THSD7B: variants seen among roughly 807,000 people sequenced by gnomAD.
THSD7B encodes thrombospondin type 1 domain containing 7B.
In THSD7B, 138 loss-of-function variants were observed where a neutral mutation model predicts 213.6. The observed-to-expected ratio is 0.65, with a 90% CI of 0.56 to 0.74. The LOEUF is 0.74. Ranked by LOEUF, THSD7B falls within the 30% of genes least tolerant of loss-of-function variation. The probability of loss-of-function intolerance (pLI) is 0.00; values close to 1 mark genes in which losing one functional copy is unlikely to be tolerated. For missense variants in THSD7B, 1,931 were observed against 1,991.5 expected, an observed-to-expected ratio of 0.97 and a Z score of 0.58; for synonymous variants, 742 against 687.0, an observed-to-expected ratio of 1.08 and a Z score of -1.25.
chr2:137,666,140 A>G (rs530956334), intron 26 of THSD7B, among the ~76,000 whole-genome samples: 1 of 152,078 alleles, frequency 6.6e-6, no homozygotes. Flanking sequence ...TAATGCTTTT[A>G]TTAAGTAACA....
At chr2:137,233,804 A>T (rs1413924705) in intron 9 of THSD7B, among the ~76,000 whole-genome samples, 3 of 152,208 alleles carry the variant, frequency 2.0e-5, no homozygotes, top group African/African-American at 7.2e-5. Context: ...AAATGAGGAG[A>T]TGTATGTTTT....
intron 1 of THSD7B, among the ~76,000 whole-genome samples, chr2:136,827,360 A>G (rs1157347831): frequency 2.6e-5 from 4 of 152,216 alleles, no homozygotes; most frequent in African/African-American, 9.6e-5. Flanking sequence ...AGCTGTTAGG[A>G]TATACAGAAA....
In THSD7B at chr2:137,027,837, C is replaced by G. The variant is rs374363473; in HGVS notation, c.140-28583C>G. ...AAGGGAGACACTGGGATTTATAGCC[C>G]TGACTCTGGCACTCATTGGCCTTGT... On this transcript the variant is annotated intron_variant, in intron 2 of 27. Coordinates refer to ENST00000409968, the MANE Select transcript of THSD7B (RefSeq NM_001316349.2). Among the ~76,000 whole-genome samples, 8 of 152,242 alleles carry G rather than the reference C, an allele frequency of 5.3e-5. No homozygotes were observed. The East Asian group carries it at 1.5e-3, about 29-fold the overall frequency.
intron 2 of THSD7B, among the ~76,000 whole-genome samples, chr2:137,014,579 C>G (rs1270332090): frequency 6.6e-6 from 1 of 152,192 alleles, no homozygotes; most frequent in Non-Finnish European, 1.5e-5. Flanking sequence ...GGATTTCTTT[C>G]ATTTGGTCTA....
At chr2:137,381,878 T>A (rs1177053557) in intron 12 of THSD7B, among the ~76,000 whole-genome samples, 1 of 152,140 alleles carries the variant, frequency 6.6e-6, no homozygotes, top group South Asian at 2.1e-4. Context: ...GTAAAGCCTT[T>A]TCTGTTTGAT....
chr2:137,512,569 T>G (rs1679989301), intron 15 of THSD7B, among the ~76,000 whole-genome samples: 1 of 151,636 alleles, frequency 6.6e-6, no homozygotes, highest in Non-Finnish European at 1.5e-5. Flanking sequence ...TTTTTTGTAT[T>G]ATTTGTAGAG....
chr2:136,892,563 C>T lies in THSD7B; in HGVS notation c.139+10246C>T, dbSNP rs574694879. On this transcript the variant is annotated intron_variant, in intron 2 of 27. Transcript: ENST00000409968. ...TGGAGATGGCTCAACATTTAGTCCC[C>T]AGTATTTCACGTATATCCTCTCTTT... is the stretch of plus-strand genomic sequence containing the variant. Among the ~76,000 whole-genome samples the T allele has an allele frequency of 6.6e-5, 10 of 151,720 alleles. 1 individual carries two copies. The South Asian group carries it at 2.1e-3, about 32-fold the overall frequency.
chr2:137,169,806 C>T (rs1344769481), intron 6 of THSD7B, among the ~76,000 whole-genome samples: 1 of 152,028 alleles, frequency 6.6e-6, no homozygotes, highest in Non-Finnish European at 1.5e-5. Context: ...GGTTCTCAGT[C>T]CTTCTTTATT....
intron 20 of THSD7B, among the ~76,000 whole-genome samples, chr2:137,628,079 G>C (rs895932439): frequency 1.5e-4 from 23 of 152,190 alleles, no homozygotes; most frequent in Admixed American, 1.5e-3. Flanking sequence ...ATGAAATTAA[G>C]TATTTGAAGA....
chr2:136,946,616 T>G (rs2105066763), intron 2 of THSD7B, among the ~76,000 whole-genome samples: 1 of 152,320 alleles, frequency 6.6e-6, no homozygotes, highest in East Asian at 1.9e-4. Context: ...GAGCAAGCTT[T>G]GCTGTGCTGT....
At chr2:137,267,116 C>T (rs2105089065) in intron 10 of THSD7B, among the ~76,000 whole-genome samples, 1 of 152,262 alleles carries the variant, frequency 6.6e-6, no homozygotes, top group South Asian at 2.1e-4. Context: ...CATTCGTGTG[C>T]TTTCTGTGGT....
intron 2 of THSD7B, among the ~76,000 whole-genome samples, chr2:136,955,034 C>T (rs80097158): frequency 0.016 from 2,482 of 152,096 alleles, 34 homozygotes; most frequent in Middle Eastern, 0.02. Flanking sequence ...CTAAAGTCGA[C>T]GTTTGGGTTG....
At chr2:137,157,944 A>C (rs1454165490) in intron 5 of THSD7B, among the ~76,000 whole-genome samples, 2 of 152,216 alleles carry the variant, frequency 1.3e-5, no homozygotes, top group Admixed American at 6.5e-5. Flanking sequence ...GTTTGTGAGA[A>C]CACATGCTAA....
At position 137,241,911 on chromosome 2, in the gene THSD7B, G is replaced by GA. The variant is rs201903054; in HGVS notation, c.2151-531dup. Among the ~76,000 whole-genome samples the GA allele has an allele frequency of 9.2e-3, 972 of 105,420 alleles. 3 individuals are homozygous for GA. Among genetic ancestry groups the GA allele is most frequent in the Admixed American group, 0.014 (139 of 9,928 alleles). 69.2% of individuals were successfully genotyped at this position (105,420 alleles called of 152,430 possible). A position where few individuals can be genotyped will look rare whatever the true frequency, so the allele number is the denominator to read the frequency against. The stretch of plus-strand genomic sequence containing the variant: ...GGGACAGAGTGAGACTCCATCTCAG[G>GA]AAAAAAAAAAAAAAAGAAAAGGAAA... On this transcript the variant is annotated intron_variant, in intron 9 of 27. Coordinates refer to ENST00000409968, the MANE Select transcript of THSD7B (RefSeq NM_001316349.2).
At chr2:137,629,384 CT>C (rs1240564871) in intron 20 of THSD7B, among the ~76,000 whole-genome samples, 1 of 152,158 alleles carries the variant, frequency 6.6e-6, no homozygotes, top group Non-Finnish European at 1.5e-5. Context: ...AACATACCAC[CT>C]TTATGAATAA....
intron 4 of THSD7B, among the ~76,000 whole-genome samples, chr2:137,105,642 A>G (rs1688232789): frequency 6.6e-6 from 1 of 152,188 alleles, no homozygotes; most frequent in Non-Finnish European, 1.5e-5. Context: ...ACATGATTGT[A>G]TATTTAGAAA....
At chr2:137,107,792 A>C (rs1006135920) in intron 4 of THSD7B, among the ~76,000 whole-genome samples, 1 of 152,186 alleles carries the variant, frequency 6.6e-6, no homozygotes, top group African/African-American at 2.4e-5. Flanking sequence ...ATAGAAGTCT[A>C]TTAATAATAC....
At chr2:136,872,575 CTCTTTCTTTTTCTT>C (rs1410995527) in intron 1 of THSD7B, among the ~76,000 whole-genome samples, 2 of 145,798 alleles carry the variant, frequency 1.4e-5, no homozygotes, top group African/African-American at 5.3e-5. Context: ...TTTCTTCTTT[CTCTTTCTTTTTCTT>C]TCTTTCTTTC....
At chr2:137,620,542 T>A in intron 19 of THSD7B, 67 bp from the exon 20 acceptor site, 2 of 1,258,536 alleles carry the variant, frequency 1.6e-6, no homozygotes, top group African/African-American at 1.5e-5. Context: ...GTCTTTCCCA[T>A]GAAAGGACAG....
Sources: gnomAD v4.1 joint callset for allele counts (sites outside exome capture counted in the v4.1 genomes callset) on GRCh38, gnomAD v4.1.1 for gene constraint, MANE v1.5 for transcripts, NCBI Gene and HGNC (gene_info 2026-07-23, HGNC 2026-07-21) for gene names.